Variants in KCNN1 observed in about 807,000 individuals in gnomAD.
KCNN1 encodes the protein small conductance calcium-activated potassium channel protein 1.
Under a neutral mutation model 44.7 loss-of-function variants are expected in KCNN1, and 20 were observed. That is an observed-to-expected ratio of 0.45 (90% confidence interval 0.32 to 0.65). The LOEUF (loss-of-function observed/expected upper bound fraction) is 0.65. KCNN1 is among the 30% of genes least tolerant of loss of function. The pLI, the probability that KCNN1 is intolerant of heterozygous loss-of-function variation, is 0.05. For synonymous variants in KCNN1, 324 were observed against 341.7 expected (o/e 0.95, Z 0.57); for missense variants, 632 against 785.3 (o/e 0.80, Z 2.33).
At chr19:17,994,709 A>T (rs978772765) in intron 9 of KCNN1, among the ~76,000 whole-genome samples, 1 of 152,046 alleles carries the variant, frequency 6.6e-6, no homozygotes, top group African/African-American at 2.4e-5. Flanking sequence ...ATGCCCGGCT[A>T]ATTTTTGTAC....
At chr19:17,982,186 A>G (rs2032441837) in intron 4 of KCNN1, 59 bp downstream of exon 4, 15 of 1,193,780 alleles carry the variant, frequency 1.3e-5, no homozygotes, top group South Asian at 3.1e-5. Flanking sequence ...CTGGACCTCC[A>G]TGCCCATTCA....
chr19:17,988,645 C>T (rs1197157320), intron 6 of KCNN1, 120 bp downstream of exon 6: 1 of 772,966 alleles, frequency 1.3e-6, no homozygotes, highest in Non-Finnish European at 2.2e-6. Context: ...CCATGCAGCC[C>T]CGTGTCAAGA....
Position 17,989,776 on chromosome 19 carries a change from C to A in KCNN1, c.1231C>A (p.Leu411Met). ...ETWLIYKHTR[L>M]VKKPDQARVR... Reference sequence around the variant, plus strand: ...GTGGCTCATCTACAAACATACCAGGCTGGTGAAGAAGCCAGACCAAGCCCG... The same window carrying A: ...GTGGCTCATCTACAAACATACCAGGATGGTGAAGAAGCCAGACCAAGCCCG... The change falls in exon 7 of 10, where the codon CTG becomes ATG. Residue 411 changes from leucine (L) to methionine (M), a missense_variant. Physicochemically the swap from Leu to Met is conservative, Grantham distance 15 (BLOSUM62 2). Around this residue, in one of 3 missense-constraint regions of KCNN1, gnomAD observed 237 missense variants for 253.0 expected, o/e 0.94. Coordinates refer to ENST00000684775, the MANE Select transcript of KCNN1 (RefSeq NM_001386974.1). The A allele has an allele frequency of 6.2e-7, 1 of 1,613,930 alleles. No individual in the cohort carries two copies. Among genetic ancestry groups the A allele is most frequent in the Non-Finnish European group, 8.5e-7 (1 of 1,179,872 alleles).
At chr19:17,982,489 C>T (rs1428929008) in intron 4 of KCNN1, 1 of 924,966 alleles carries the variant, frequency 1.1e-6, no homozygotes, top group Non-Finnish European at 1.3e-6. Context: ...ACAGGGATGC[C>T]TCCCCGTCCC....
rs1024347647 is a variant in KCNN1, at chr19:17,981,703, C to G, written c.499-6C>G. Reference sequence around the variant, plus strand: ...CCCATGGCTGGTTCCCTCCCGCCCTCCACAGCTGTTCATGGTGGACAACGG... The same window carrying G: ...CCCATGGCTGGTTCCCTCCCGCCCTGCACAGCTGTTCATGGTGGACAACGG... On this transcript the variant is annotated splice_region_variant and splice_polypyrimidine_tract_variant and intron_variant, in intron 3 of 9. Transcript: ENST00000684775. The G allele has an allele frequency of 1.3e-6, 2 of 1,569,786 alleles. No homozygotes were observed. The highest frequency in any genetic ancestry group is 2.3e-5 in the East Asian group (1 of 44,174).
intron 3 of KCNN1, among the ~76,000 whole-genome samples, chr19:17,976,486 C>G (rs914949631): frequency 6.8e-6 from 1 of 147,322 alleles, no homozygotes; most frequent in African/African-American, 2.5e-5. Context: ...GGCACGATCT[C>G]CAGCTCACCG....
chr19:17,981,552 C>CA (rs71164338), intron 3 of KCNN1, among the ~76,000 whole-genome samples, 157 bp from the exon 4 acceptor site: 1,381 of 89,868 alleles, frequency 0.015, 10 homozygotes, highest in East Asian at 0.088. Flanking sequence ...AACTCCATCT[C>CA]AAAAAAAAAA....
At chr19:17,982,884 A>G (rs2032466800) in intron 4 of KCNN1, among the ~76,000 whole-genome samples, 1 of 151,930 alleles carries the variant, frequency 6.6e-6, no homozygotes, top group Non-Finnish European at 1.5e-5. Flanking sequence ...ACTTAAATGG[A>G]TCTGGGGTGG....
In KCNN1 at chr19:17,974,284, C is replaced by T. The variant is rs2032131900; in HGVS notation, c.396C>T (p.Tyr132=). The change falls in exon 2 of 10, where the codon TAC becomes TAT. Residue 132 remains tyrosine (Y), a synonymous_variant. Coordinates refer to ENST00000684775, the MANE Select transcript of KCNN1 (RefSeq NM_001386974.1). This position sits in a 1 kb window ranked among gnomAD's most constrained non-coding sequence, Gnocchi z 7.3. ...AGACCGAGCTGTCCTGGGGGGTGTACACCAAGGTAGGCGTGGTCCTCCCCC... is the reference window on the plus strand; with the variant it reads ...AGACCGAGCTGTCCTGGGGGGTGTATACCAAGGTAGGCGTGGTCCTCCCCC... ...VTETELSWGV[Y]TKESLYSFAL... 1 of 1,564,642 alleles carries T rather than the reference C, an allele frequency of 6.4e-7. No individual in the cohort carries two copies.
intron 2 of KCNN1, among the ~76,000 whole-genome samples, chr19:17,955,799 A>G (rs1203700806): frequency 6.3e-5 from 2 of 31,658 alleles, no homozygotes; most frequent in East Asian, 1.6e-3. Context: ...CCCGCCCCCC[A>G]CACACAGCCT....
At position 17,999,166 on chromosome 19, in the gene KCNN1, G is replaced by C. The variant is rs924782172; in HGVS notation, c.*760G>C. ...GAACTTGACCATGGTGGGATGGGGG[G>C]GAAACTGAGGCCCAGAGAGGTGAAT... On this transcript the variant is annotated 3_prime_UTR_variant, in exon 10 of 10. Coordinates refer to ENST00000684775, the MANE Select transcript of KCNN1 (RefSeq NM_001386974.1). The C allele has an allele frequency of 1.3e-5, 2 of 152,420 alleles. No homozygotes were observed. Among genetic ancestry groups the C allele is most frequent in the African/African-American group, 4.8e-5 (2 of 41,430 alleles). 9.4% of individuals were successfully genotyped at this position (152,420 alleles called of 1,614,324 possible). A position where few individuals can be genotyped will look rare whatever the true frequency, so the allele number is the denominator to read the frequency against.
intron 9 of KCNN1, among the ~76,000 whole-genome samples, chr19:17,995,464 G>A (rs188327207): frequency 1.7e-4 from 26 of 151,848 alleles, no homozygotes; most frequent in African/African-American, 5.1e-4. Flanking sequence ...GTGAGCCACC[G>A]CACCCAGAAA....
intron 9 of KCNN1, among the ~76,000 whole-genome samples, chr19:17,997,596 AT>A (rs1297999869): frequency 1.5e-5 from 2 of 129,244 alleles, no homozygotes; most frequent in Non-Finnish European, 3.4e-5. Context: ...CTCCTGCCTC[AT>A]CCCCCCCGAG....
intron 1 of KCNN1, among the ~76,000 whole-genome samples, chr19:17,969,683 C>T (rs768136248): frequency 7.2e-5 from 11 of 152,242 alleles, no homozygotes; most frequent in Non-Finnish European, 1.3e-4. Context: ...TTCATTGGTG[C>T]GTTTCGGAAG....
chr19:17,996,724 C>G (rs2033006220), intron 9 of KCNN1, among the ~76,000 whole-genome samples: 1 of 152,234 alleles, frequency 6.6e-6, no homozygotes, highest in African/African-American at 2.4e-5. Context: ...GACTGTGGTG[C>G]CTGAGAGAGG....
chr19:17,956,057 C>G (rs1330178805), intron 2 of KCNN1, among the ~76,000 whole-genome samples: 3 of 152,194 alleles, frequency 2.0e-5, no homozygotes, highest in Non-Finnish European at 4.4e-5. Flanking sequence ...CCTGCTTCAG[C>G]CTCCCAAGTA....
At chr19:17,965,480 G>GCCACC (rs1163576300), upstream of KCNN1, among the ~76,000 whole-genome samples, 4 of 152,038 alleles carry the variant, frequency 2.6e-5, no homozygotes, top group Non-Finnish European at 5.9e-5. Context: ...TTGTGCTTTA[G>GCCACC]AAAGGGGGGC....
At chr19:17,997,423 C>A (rs2145982677) in intron 9 of KCNN1, among the ~76,000 whole-genome samples, 1 of 152,298 alleles carries the variant, frequency 6.6e-6, no homozygotes, top group East Asian at 1.9e-4. Context: ...CACTAGACCC[C>A]CAGGGCAGCT....
intron 9 of KCNN1, among the ~76,000 whole-genome samples, chr19:17,997,210 G>A (rs931366376): frequency 2.0e-5 from 3 of 152,158 alleles, no homozygotes; most frequent in Non-Finnish European, 4.4e-5. Flanking sequence ...AGTCACCTTC[G>A]TCATTAGACC....
Sources: gnomAD v4.1 joint callset for allele counts (sites outside exome capture counted in the v4.1 genomes callset) on GRCh38, gnomAD v4.1.1 for gene constraint, gnomAD v4.1.1 regional missense constraint, Gnocchi (gnomAD v3.1) non-coding constraint, MANE v1.5 for transcripts, NCBI Gene and HGNC (gene_info 2026-07-23, HGNC 2026-07-21) for gene names.